The following CDIN1 variants were observed in gnomAD, a reference collection of about 807,000 sequenced individuals.
CDIN1 encodes CDAN1-interacting nuclease 1.
CDIN1 carries 33 observed loss-of-function variants against 45.3 expected under a neutral mutation model. The observed-to-expected ratio is 0.73, with a 90% CI of 0.55 to 0.97. The LOEUF is 0.97. Among genes scored for constraint, CDIN1 ranks in the 50% least tolerant of loss-of-function variants. The pLI, the probability that CDIN1 is intolerant of heterozygous loss-of-function variation, is 0.00. For synonymous variants in CDIN1, 118 were observed against 124.4 expected (o/e 0.95, Z 0.34); for missense variants, 303 against 339.4 (o/e 0.89, Z 0.84).
chr15:36,766,813 T>A (rs2053936558), intron 10 of CDIN1, among the ~76,000 whole-genome samples: 1 of 152,208 alleles, frequency 6.6e-6, no homozygotes, highest in Admixed American at 6.5e-5. Context: ...GTCATATATT[T>A]TGGACATTAA....
chr15:36,663,588 C>T (rs899810161), intron 5 of CDIN1, among the ~76,000 whole-genome samples: 1 of 152,134 alleles, frequency 6.6e-6, no homozygotes, highest in African/African-American at 2.4e-5. Flanking sequence ...ACTTCCCCTT[C>T]CTGCCACCAT....
intron 1 of CDIN1, among the ~76,000 whole-genome samples, chr15:36,599,125 G>A (rs922936522): frequency 6.7e-6 from 1 of 149,862 alleles, no homozygotes; most frequent in African/African-American, 2.5e-5. Flanking sequence ...TTTTTTTTGG[G>A]AGGGGAGCAG....
rs11318396 is a variant in CDIN1 at position 36,725,853 on chromosome 15, T to TAA, written c.716+15900_716+15901dup. 1.0e-3 allele frequency among the ~76,000 whole-genome samples: 157 copies of TAA among 151,380 alleles called. 2 individuals are homozygous for TAA. The highest frequency in any genetic ancestry group is 3.5e-3 in the African/African-American group (143 of 41,314). ...TATAAAAGTAATAACCTAAGTGCTT[T>TAA]AAAAAAAAATACTCTTTTTAATGAG... On this transcript the variant is annotated intron_variant, in intron 10 of 10. Coordinates refer to ENST00000566621, the MANE Select transcript of CDIN1 (RefSeq NM_001321759.2).
chr15:36,752,087 C>T (rs2053490801), intron 10 of CDIN1, among the ~76,000 whole-genome samples: 3 of 152,164 alleles, frequency 2.0e-5, no homozygotes. Flanking sequence ...TGCAGCAAAC[C>T]ACCATGGCAC....
intron 10 of CDIN1, among the ~76,000 whole-genome samples, chr15:36,774,167 C>CGCGT (rs2054157184): frequency 7.9e-6 from 1 of 127,224 alleles, no homozygotes; most frequent in African/African-American, 4.0e-5. Context: ...TGTGTGTGCG[C>CGCGT]GCGCGCGCAT....
At chr15:36,683,258 G>C (rs1468094543) in intron 5 of CDIN1, among the ~76,000 whole-genome samples, 3 of 147,888 alleles carry the variant, frequency 2.0e-5, no homozygotes, top group African/African-American at 7.5e-5. Context: ...TTTTGTATAA[G>C]GTGTAAGGAA....
intron 10 of CDIN1, among the ~76,000 whole-genome samples, chr15:36,749,823 G>A (rs922099515): frequency 2.0e-5 from 3 of 152,196 alleles, no homozygotes; most frequent in African/African-American, 7.2e-5. Flanking sequence ...AGTGAAGGGA[G>A]GACACAGGTT....
intron 1 of CDIN1, chr15:36,618,836 C>T: frequency 2.4e-6 from 2 of 821,330 alleles, no homozygotes; most frequent in Middle Eastern, 3.3e-4. Context: ...GACAACTATA[C>T]CAGTTTCTCC....
At chr15:36,793,499 T>G (rs1046408894) in intron 10 of CDIN1, among the ~76,000 whole-genome samples, 9 of 152,202 alleles carry the variant, frequency 5.9e-5, no homozygotes, top group Admixed American at 2.0e-4. Context: ...AATGCATTTT[T>G]GGGGGATTAG....
intron 10 of CDIN1, among the ~76,000 whole-genome samples, chr15:36,764,214 G>GTT (rs11297312): frequency 7.7e-5 from 9 of 116,272 alleles, no homozygotes; most frequent in South Asian, 3.0e-4. Context: ...TGTGGTTTTG[G>GTT]TTTTTTTTTT....
chr15:36,749,011 A>C (rs2053384915), intron 10 of CDIN1, among the ~76,000 whole-genome samples: 1 of 152,188 alleles, frequency 6.6e-6, no homozygotes. Context: ...CGGCCACGTG[A>C]TTTTCTTCAA....
intron 10 of CDIN1, among the ~76,000 whole-genome samples, chr15:36,787,598 C>T (rs1323909443): frequency 3.3e-5 from 5 of 152,084 alleles, no homozygotes; most frequent in African/African-American, 1.2e-4. Flanking sequence ...TACATAACTC[C>T]CCAAAATCTA....
chr15:36,619,118 A>G, intron 1 of CDIN1: 1 of 1,075,484 alleles, frequency 9.3e-7, no homozygotes, highest in South Asian at 1.5e-5. Flanking sequence ...GCTAGTAAGG[A>G]TTATTCTGGC....
chr15:36,805,972 T>C (rs1442684971), intron 10 of CDIN1, among the ~76,000 whole-genome samples: 1 of 152,192 alleles, frequency 6.6e-6, no homozygotes, highest in Non-Finnish European at 1.5e-5. Flanking sequence ...TAGAGACATA[T>C]TGTCAATCAG....
chr15:36,654,110 A>T lies in CDIN1; in HGVS notation c.225A>T (p.Gly75=). ...TTGTCTTGTCTAGGTACCTGAATGG[A>T]GTGGTGAAAAATGGAGCTGCCCCAG... The part of the protein sequence containing the change: ...IESYYQRYLN[G]VVKNGAAPVL... The change falls in exon 4 of 11, where the codon GGA becomes GGT. Residue 75 remains glycine, a synonymous_variant. Transcript: ENST00000566621. 1 of 1,578,744 alleles carries T rather than the reference A, an allele frequency of 6.3e-7. No homozygotes were observed.
At chr15:36,743,268 G>T (rs972871158) in intron 10 of CDIN1, among the ~76,000 whole-genome samples, 1 of 152,152 alleles carries the variant, frequency 6.6e-6, no homozygotes, top group East Asian at 1.9e-4. Flanking sequence ...ATGGGGAATA[G>T]ATTGGAAAGG....
intron 10 of CDIN1, among the ~76,000 whole-genome samples, chr15:36,711,853 T>G (rs1328092577): frequency 6.6e-6 from 1 of 152,118 alleles, no homozygotes; most frequent in African/African-American, 2.4e-5. Flanking sequence ...GAAATGGAAC[T>G]TTGGGGTATT....
At chr15:36,627,797 T>C in intron 1 of CDIN1, 1 of 152,480 alleles carries the variant, frequency 6.6e-6, no homozygotes, top group South Asian at 2.1e-4. Context: ...AGGCCCAACC[T>C]GGGGACTCAC....
At chr15:36,746,669 C>A (rs973762375) in intron 10 of CDIN1, among the ~76,000 whole-genome samples, 6 of 141,434 alleles carry the variant, frequency 4.2e-5, no homozygotes, top group East Asian at 2.0e-4. Flanking sequence ...ATATATGGTT[C>A]CACACACACA....
Sources: gnomAD v4.1 joint callset for allele counts (sites outside exome capture counted in the v4.1 genomes callset) on GRCh38, gnomAD v4.1.1 for gene constraint, MANE v1.5 for transcripts, NCBI Gene and HGNC (gene_info 2026-07-23, HGNC 2026-07-21) for gene names.